LRP8: variants seen among roughly 807,000 people sequenced by gnomAD.
LRP8 encodes the protein low-density lipoprotein receptor-related protein 8.
A neutral mutation model predicts 111.6 loss-of-function variants in LRP8; 46 were observed. The observed-to-expected ratio is 0.41, with a 90% CI of 0.33 to 0.53. The LOEUF (loss-of-function observed/expected upper bound fraction) is 0.53, where lower values mean the gene tolerates loss of function less well. Among genes scored for constraint, LRP8 ranks in the 20% least tolerant of loss-of-function variants. LRP8 has a pLI of 0.20. For missense variants in LRP8, 959 were observed against 1,297.4 expected, an observed-to-expected ratio of 0.74 and a Z score of 4.01; for synonymous variants, 464 against 511.2, an observed-to-expected ratio of 0.91 and a Z score of 1.24.
rs1056359957 is a variant in LRP8 at position 53,279,209 on chromosome 1, C to T, written c.496+1378G>A. Among the ~76,000 whole-genome samples, 7 of 151,996 alleles carry T rather than the reference C, an allele frequency of 4.6e-5. No individual in the cohort carries two copies. The highest frequency in any genetic ancestry group is 1.0e-4 in the Non-Finnish European group (7 of 67,980). On this transcript the variant is annotated intron_variant, in intron 4 of 18. Transcript: ENST00000306052. The surrounding 1 kb of genome is among the most constrained non-coding windows in gnomAD (Gnocchi z 4.4). ...AGACCCTACTCCTAGCACTCACAAA[C>T]GGAAGAAGCTCTGAGAGATGAGGGG... is the stretch of plus-strand genomic sequence containing the variant.
chr1:53,298,458 C>T (rs1422952911), intron 2 of LRP8, among the ~76,000 whole-genome samples: 5 of 152,180 alleles, frequency 3.3e-5, no homozygotes, highest in African/African-American at 1.2e-4. Flanking sequence ...CTGCTGAGAG[C>T]AGGCAGCACG....
intron 2 of LRP8, chr1:53,291,977 G>C (rs777470770): frequency 9.9e-5 from 15 of 152,094 alleles, no homozygotes; most frequent in African/African-American, 1.4e-4. Context: ...TCTCAGTGCG[G>C]GACACTGAGC....
At chr1:53,269,954 G>C (rs182601761) in intron 8 of LRP8, among the ~76,000 whole-genome samples, 2 of 152,210 alleles carry the variant, frequency 1.3e-5, no homozygotes, top group African/African-American at 4.8e-5. Context: ...TCAATGTGTA[G>C]GTCTGCCCAG....
chr1:53,287,980 CG>C (rs1312143725), intron 3 of LRP8: 1 of 7,390 alleles, frequency 1.4e-4, no homozygotes, highest in Non-Finnish European at 2.5e-4. Flanking sequence ...GAGATAGAGA[CG>C]GGGGTGGGGG....
intron 4 of LRP8, among the ~76,000 whole-genome samples, chr1:53,277,958 A>G (rs1458556006): frequency 6.6e-6 from 1 of 152,178 alleles, no homozygotes; most frequent in Non-Finnish European, 1.5e-5. Context: ...GGTATGAGGT[A>G]TAATTATGGG....
chr1:53,274,869 A>G (rs1200570339), intron 6 of LRP8: 1 of 455,894 alleles, frequency 2.2e-6, no homozygotes, highest in Non-Finnish European at 4.4e-6. Flanking sequence ...ACCTTGGACA[A>G]GAAGGGCTGG....
Position 53,257,391 on chromosome 1 carries a change from G to T in LRP8, c.2283C>A (p.Pro761=). 1 of 1,613,986 alleles carries T rather than the reference G, an allele frequency of 6.2e-7. No homozygotes were observed. Among genetic ancestry groups the T allele is most frequent in the Non-Finnish European group, 8.5e-7 (1 of 1,179,958 alleles). ...AGGTGGATCTGTGGACGGTGGTCCCGGGGGCTCTTGTGGTGGCAGGTACTG... is the reference window on the plus strand; with the variant it reads ...AGGTGGATCTGTGGACGGTGGTCCCTGGGGCTCTTGTGGTGGCAGGTACTG... ...TRTVPATTRA[P]GTTVHRSTYQ... Residue 761 remains proline, a synonymous_variant, in exon 15 of 19, where the codon CCC becomes CCA. Coordinates refer to ENST00000306052, the MANE Select transcript of LRP8 (RefSeq NM_004631.5).
intron 15 of LRP8, among the ~76,000 whole-genome samples, chr1:53,255,961 T>A (rs1646071486): frequency 2.0e-5 from 3 of 152,176 alleles, no homozygotes; most frequent in Admixed American, 1.3e-4. Flanking sequence ...TTGAATAGGG[T>A]CTAAATTTTA....
chr1:53,247,203 T>C, intron 18 of LRP8, 147 bp from the exon 19 acceptor site: 1 of 603,972 alleles, frequency 1.7e-6, no homozygotes, highest in Non-Finnish European at 2.7e-6. Flanking sequence ...TTATCCTATT[T>C]ATTTTACAGA....
chr1:53,288,758 C>T (rs1395304793), intron 3 of LRP8, among the ~76,000 whole-genome samples: 1 of 152,218 alleles, frequency 6.6e-6, no homozygotes, highest in Admixed American at 6.5e-5. Flanking sequence ...TTGTCTCGGG[C>T]TCACGCTGCT....
intron 2 of LRP8, among the ~76,000 whole-genome samples, chr1:53,315,154 C>G (rs925970395): frequency 6.6e-6 from 1 of 152,144 alleles, no homozygotes; most frequent in Non-Finnish European, 1.5e-5. Flanking sequence ...AGGCTCTGGG[C>G]TCATTTCCTA....
intron 9 of LRP8, among the ~76,000 whole-genome samples, chr1:53,265,538 T>A (rs574267612): frequency 2.0e-5 from 3 of 152,328 alleles, no homozygotes; most frequent in Admixed American, 2.0e-4. Context: ...GGAGTAAATT[T>A]CTTCCATCAG....
chr1:53,312,525 A>G (rs1332543753), intron 2 of LRP8, among the ~76,000 whole-genome samples: 1 of 145,666 alleles, frequency 6.9e-6, no homozygotes, highest in Non-Finnish European at 1.5e-5. Flanking sequence ...CACCTGGCTA[A>G]TTTTTTTTTT....
chr1:53,311,772 C>T (rs1199503511), intron 2 of LRP8, among the ~76,000 whole-genome samples: 1 of 152,224 alleles, frequency 6.6e-6, no homozygotes. Context: ...CCACCACACG[C>T]CACGGCCACA....
chr1:53,280,511 C>T, intron 4 of LRP8, 76 bp downstream of exon 4: 4 of 1,567,744 alleles, frequency 2.6e-6, no homozygotes, highest in Non-Finnish European at 1.7e-6. Flanking sequence ...TGGGCCCCCT[C>T]CCCAGAAGTG....
At chr1:53,327,739 G>A in intron 1 of LRP8, 50 bp downstream of exon 1, 1 of 1,413,506 alleles carries the variant, frequency 7.1e-7, no homozygotes, top group Non-Finnish European at 9.3e-7. Context: ...GCCGCGCTTT[G>A]TTGGTGGCTA....
At chr1:53,283,147 A>G (rs1045499625) in intron 3 of LRP8, among the ~76,000 whole-genome samples, 1 of 152,152 alleles carries the variant, frequency 6.6e-6, no homozygotes, top group South Asian at 2.1e-4. Context: ...ATAACAGTAC[A>G]GCTCTCTTTA....
intron 3 of LRP8, among the ~76,000 whole-genome samples, chr1:53,285,478 T>C (rs769154284): frequency 1.4e-4 from 21 of 152,162 alleles, no homozygotes; most frequent in Admixed American, 4.6e-4. Flanking sequence ...TTACTAAAAC[T>C]AAGGTCCTTA....
At position 53,288,944 on chromosome 1, in the gene LRP8, C is replaced by T. The variant is rs371444733; in HGVS notation, c.367+623G>A. On this transcript the variant is annotated intron_variant, in intron 3 of 18. Coordinates refer to ENST00000306052, the MANE Select transcript of LRP8 (RefSeq NM_004631.5). ...TGTAGGGGGCAGGCCTGGGGCTCAG[C>T]TCTGGCCTCTACCTCCCCCTGCCTG... Among the ~76,000 whole-genome samples, 280 of 152,168 alleles carry T rather than the reference C, an allele frequency of 1.8e-3. 3 individuals carry two copies. Among genetic ancestry groups the T allele is most frequent in the African/African-American group, 6.6e-3 (272 of 41,502 alleles).
Sources: allele counts gnomAD v4.1 joint callset (sites outside exome capture counted in the v4.1 genomes callset), GRCh38; gene constraint gnomAD v4.1.1; non-coding constraint Gnocchi (gnomAD v3.1); transcripts MANE v1.5; gene names NCBI Gene and HGNC (gene_info 2026-07-23, HGNC 2026-07-21).